CAST: variants seen among roughly 807,000 people sequenced by gnomAD.
CAST encodes calpastatin.
Under a neutral mutation model 119.6 loss-of-function variants are expected in CAST, and 76 were observed. The ratio of observed to expected loss-of-function variants is 0.64; its 90% CI spans 0.53 to 0.77. The LOEUF (loss-of-function observed/expected upper bound fraction) is 0.77, where lower values mean the gene tolerates loss of function less well. Among genes scored for constraint, CAST ranks in the 30% least tolerant of loss-of-function variants. CAST has a pLI of 0.00. For synonymous variants in CAST, 319 were observed against 331.6 expected (o/e 0.96, Z 0.41); for missense variants, 953 against 946.5 (o/e 1.01, Z -0.09).
chr5:96,615,679 G>A (rs759857094), intron 1 of CAST, among the ~76,000 whole-genome samples: 42 of 152,198 alleles, frequency 2.8e-4, no homozygotes, highest in South Asian at 2.1e-3. Context: ...ATTATCAGCC[G>A]TCCTATTATT....
chr5:96,362,676 G>A, the CAST span, among the ~76,000 whole-genome samples: 1 of 152,088 alleles, frequency 6.6e-6, no homozygotes, highest in Admixed American at 6.5e-5. Context: ...CTTTTTGATG[G>A]GGTTGTTTGT....
chr5:96,507,441 G>A, the CAST span, among the ~76,000 whole-genome samples: 1 of 152,194 alleles, frequency 6.6e-6, no homozygotes, highest in Non-Finnish European at 1.5e-5. Context: ...ATATGAGTCA[G>A]GTGTTCCCAG....
chr5:96,048,638 A>C, the CAST span, among the ~76,000 whole-genome samples: 3 of 152,110 alleles, frequency 2.0e-5, no homozygotes, highest in Non-Finnish European at 4.4e-5. Context: ...AAATGACCTA[A>C]AATGATTGCC....
chr5:96,369,866 G>C, the CAST span, among the ~76,000 whole-genome samples: 1 of 152,114 alleles, frequency 6.6e-6, no homozygotes, highest in South Asian at 2.1e-4. Context: ...TCTTCAATTA[G>C]AATGTAAAGT....
At chr5:96,389,178 T>C in the CAST span, among the ~76,000 whole-genome samples, 1 of 152,148 alleles carries the variant, frequency 6.6e-6, no homozygotes, top group African/African-American at 2.4e-5. Context: ...AGATGTGATG[T>C]ACAGCATGAG....
At chr5:96,545,329 G>T (rs1745989976) in intron 1 of CAST, 1 of 152,160 alleles carries the variant, frequency 6.6e-6, no homozygotes, top group Non-Finnish European at 1.5e-5. Flanking sequence ...TGGTGGGTAT[G>T]TTAGCCCTAT....
chr5:96,104,409 G>A, the CAST span, among the ~76,000 whole-genome samples: 97 of 150,172 alleles, frequency 6.5e-4, no homozygotes, highest in South Asian at 5.2e-3. Context: ...ATTGACTTTT[G>A]TATAAGGTGT....
At chr5:96,575,333 AC>A (rs1251572489) in intron 1 of CAST, among the ~76,000 whole-genome samples, 1 of 151,860 alleles carries the variant, frequency 6.6e-6, no homozygotes, top group Non-Finnish European at 1.5e-5. Context: ...TACATAAACA[AC>A]CATATCCTCT....
chr5:96,702,700 G>T (rs988386671), intron 3 of CAST: 8 of 852,138 alleles, frequency 9.4e-6, no homozygotes, highest in Non-Finnish European at 9.9e-6. Flanking sequence ...CACGGAGCGG[G>T]ACCTCCCTCC....
At chr5:96,612,086 T>C (rs1168220373) in intron 1 of CAST, among the ~76,000 whole-genome samples, 1 of 152,182 alleles carries the variant, frequency 6.6e-6, no homozygotes, top group Non-Finnish European at 1.5e-5. Context: ...GGAATCCCAT[T>C]ACCATGTGTC....
chr5:96,406,493 A>G, the CAST span, among the ~76,000 whole-genome samples: 2 of 152,180 alleles, frequency 1.3e-5, no homozygotes, highest in Non-Finnish European at 2.9e-5. Context: ...CAGCCCCTCC[A>G]AGTAGGTGGA....
At chr5:96,771,238 G>GTACTT (rs1397863063) in intron 30 of CAST, among the ~76,000 whole-genome samples, 3 of 152,118 alleles carry the variant, frequency 2.0e-5, no homozygotes, top group Admixed American at 6.5e-5. Flanking sequence ...GTTATACGAA[G>GTACTT]TACTTAATCA....
At chr5:96,114,735 G>A in the CAST span, among the ~76,000 whole-genome samples, 191 of 152,346 alleles carry the variant, frequency 1.3e-3, no homozygotes, top group Middle Eastern at 6.8e-3. Context: ...GCGTAATGGA[G>A]TTGCCTGTCT....
At chr5:96,411,133 G>A in the CAST span, 12 of 714,866 alleles carry the variant, frequency 1.7e-5, no homozygotes, top group East Asian at 5.3e-5. Context: ...TTTTGGCTTC[G>A]ATATTGGAAA....
intron 3 of CAST, among the ~76,000 whole-genome samples, chr5:96,704,315 G>T (rs988833301): frequency 6.6e-6 from 1 of 152,164 alleles, no homozygotes; most frequent in Non-Finnish European, 1.5e-5. Flanking sequence ...GGGGAGTTTT[G>T]GTTCCTTGAT....
chr5:96,072,421 T>G, the CAST span, among the ~76,000 whole-genome samples: 1 of 152,206 alleles, frequency 6.6e-6, no homozygotes, highest in Non-Finnish European at 1.5e-5. Context: ...ATGACTTAAA[T>G]GTCTTCTAAG....
the CAST span, among the ~76,000 whole-genome samples, chr5:96,089,755 A>C: frequency 6.1e-3 from 935 of 152,138 alleles, 12 homozygotes; most frequent in African/African-American, 0.022. Flanking sequence ...ATTGAAGGAG[A>C]CTTACTTTTC....
the CAST span, among the ~76,000 whole-genome samples, chr5:96,303,681 A>C: frequency 6.0e-3 from 856 of 143,184 alleles, 8 homozygotes; most frequent in African/African-American, 0.022. Context: ...ACTCCCATTT[A>C]TGAGTGAGAA....
chr5:96,241,840 T>C, the CAST span, among the ~76,000 whole-genome samples: 49 of 150,490 alleles, frequency 3.3e-4, no homozygotes, highest in African/African-American at 1.0e-3. Context: ...TTTCATGTGT[T>C]TTTTGGCTGC....
Sources: allele counts gnomAD v4.1 joint callset (sites outside exome capture counted in the v4.1 genomes callset), GRCh38; gene constraint gnomAD v4.1.1; transcripts MANE v1.5; gene names NCBI Gene and HGNC (gene_info 2026-07-23, HGNC 2026-07-21).